The following TAFA1 variants were observed in gnomAD, a reference collection of about 807,000 sequenced individuals.
The protein encoded by TAFA1 is TAFA chemokine like family member 1, also known as chemokine-like protein TAFA-1.
TAFA1 carries 4 observed loss-of-function variants against 18.5 expected under a neutral mutation model. The observed-to-expected ratio is 0.22, with a 90% CI of 0.11 to 0.49. The LOEUF is 0.49. Ranked by LOEUF, TAFA1 falls within the 20% of genes least tolerant of loss-of-function variation. TAFA1 has a pLI of 0.98. For synonymous variants in TAFA1, 56 were observed against 55.2 expected (o/e 1.01, Z -0.06); for missense variants, 147 against 169.0 (o/e 0.87, Z 0.72).
chr3:68,510,908 A>G (rs2072836445), intron 3 of TAFA1, among the ~76,000 whole-genome samples: 1 of 152,200 alleles, frequency 6.6e-6, no homozygotes, highest in South Asian at 2.1e-4. Context: ...TACCAGGTAA[A>G]TGTAAGTTAG....
rs2073435946 is a variant in TAFA1, at chr3:68,545,031, C to T, written c.*528C>T. The T allele has an allele frequency of 6.6e-6, 1 of 152,384 alleles. No homozygotes were observed. The allele number at this position is 152,384 out of a possible 1,614,324, so 9.4% of individuals were successfully genotyped here. ...CGGGAAGGCCAGCTACAGGTGGACT[C>T]CTGGAATTTGAGGCATCATAATGAT... On this transcript the variant is annotated 3_prime_UTR_variant, in exon 5 of 5. Coordinates refer to ENST00000478136, the MANE Select transcript of TAFA1 (RefSeq NM_213609.4).
intron 2 of TAFA1, among the ~76,000 whole-genome samples, chr3:68,410,459 A>G (rs2070693948): frequency 6.6e-6 from 1 of 152,078 alleles, no homozygotes; most frequent in Non-Finnish European, 1.5e-5. Flanking sequence ...GAACAATGGG[A>G]TCCCTTATAA....
intron 2 of TAFA1, among the ~76,000 whole-genome samples, chr3:68,341,560 G>A (rs1016354085): frequency 1.2e-4 from 18 of 152,122 alleles, no homozygotes; most frequent in Non-Finnish European, 2.5e-4. Context: ...AAGGCAGACT[G>A]GTCCCCAGGA....
At chr3:68,282,697 C>T (rs2067920910) in intron 2 of TAFA1, among the ~76,000 whole-genome samples, 1 of 152,118 alleles carries the variant, frequency 6.6e-6, no homozygotes. Flanking sequence ...CCTAAAGCAT[C>T]TTGTCTGTGA....
At chr3:68,502,353 A>C (rs548364155) in intron 3 of TAFA1, among the ~76,000 whole-genome samples, 2 of 152,172 alleles carry the variant, frequency 1.3e-5, no homozygotes, top group Non-Finnish European at 2.9e-5. Flanking sequence ...ACACACAGAA[A>C]AAAAAAGACT....
intron 2 of TAFA1, among the ~76,000 whole-genome samples, chr3:68,218,459 A>C (rs2066688448): frequency 6.6e-6 from 1 of 151,970 alleles, no homozygotes; most frequent in African/African-American, 2.4e-5. Context: ...CGGTATGGGG[A>C]TGAGGAATGA....
chr3:68,254,087 GTCTA>G (rs1358636286), intron 2 of TAFA1, among the ~76,000 whole-genome samples: 43 of 149,936 alleles, frequency 2.9e-4, no homozygotes, highest in Non-Finnish European at 5.8e-4. Context: ...CTGTCTGCCT[GTCTA>G]TCTATCTACC....
At chr3:68,461,856 T>C (rs1230654323) in intron 3 of TAFA1, among the ~76,000 whole-genome samples, 1 of 152,052 alleles carries the variant, frequency 6.6e-6, no homozygotes, top group Non-Finnish European at 1.5e-5. Flanking sequence ...CTTTCGGCTG[T>C]TAATATATAA....
At chr3:68,432,543 C>T (rs1239197144) in intron 3 of TAFA1, among the ~76,000 whole-genome samples, 1 of 151,970 alleles carries the variant, frequency 6.6e-6, no homozygotes, top group East Asian at 1.9e-4. Context: ...CATTTGATTA[C>T]CTCCAACCAT....
intron 2 of TAFA1, among the ~76,000 whole-genome samples, chr3:68,319,016 C>A (rs968417357): frequency 1.3e-5 from 2 of 152,152 alleles, no homozygotes; most frequent in Non-Finnish European, 2.9e-5. Context: ...TTCTCTTTCT[C>A]CTCTGCTGTC....
At chr3:68,252,408 A>T (rs2067213976) in intron 2 of TAFA1, among the ~76,000 whole-genome samples, 1 of 152,204 alleles carries the variant, frequency 6.6e-6, no homozygotes, top group South Asian at 2.1e-4. Context: ...TTCTTAAAAA[A>T]ATTACATCAA....
intron 2 of TAFA1, among the ~76,000 whole-genome samples, chr3:68,024,805 GCACACA>G (rs3037727): frequency 2.0e-4 from 15 of 73,582 alleles, no homozygotes; most frequent in African/African-American, 7.4e-4. Flanking sequence ...TCTCCTTAAT[GCACACA>G]CACACACACA....
chr3:68,464,302 A>C (rs890006493), intron 3 of TAFA1, among the ~76,000 whole-genome samples: 2 of 152,216 alleles, frequency 1.3e-5, no homozygotes, highest in Admixed American at 6.6e-5. Context: ...TGCATTCCTA[A>C]GATAATTTCA....
intron 3 of TAFA1, among the ~76,000 whole-genome samples, chr3:68,489,316 G>C (rs542762120): frequency 2.0e-5 from 3 of 152,286 alleles, no homozygotes; most frequent in Admixed American, 2.0e-4. Context: ...ATGAAGGAAT[G>C]AGGAGCCAAT....
chr3:68,236,389 A>G (rs2066927365), intron 2 of TAFA1, among the ~76,000 whole-genome samples: 1 of 152,260 alleles, frequency 6.6e-6, no homozygotes. Flanking sequence ...ATGAATTACT[A>G]TCATTAGTGA....
At chr3:68,328,755 A>G (rs2068814579) in intron 2 of TAFA1, among the ~76,000 whole-genome samples, 1 of 152,054 alleles carries the variant, frequency 6.6e-6, no homozygotes, top group Non-Finnish European at 1.5e-5. Flanking sequence ...TAAACTCTTT[A>G]TATATAATAA....
chr3:68,191,049 T>C (rs1575670343), intron 2 of TAFA1, among the ~76,000 whole-genome samples: 1 of 151,930 alleles, frequency 6.6e-6, no homozygotes, highest in East Asian at 2.0e-4. Flanking sequence ...TGGATTCAGC[T>C]GGTCTTGGGT....
intron 2 of TAFA1, among the ~76,000 whole-genome samples, chr3:68,110,153 G>T (rs2065247585): frequency 6.6e-6 from 1 of 152,080 alleles, no homozygotes; most frequent in African/African-American, 2.4e-5. Flanking sequence ...ACAGGCTCCA[G>T]TGGGTGTTGT....
At chr3:68,392,691 C>T (rs9843904) in intron 2 of TAFA1, among the ~76,000 whole-genome samples, 5,155 of 152,092 alleles carry the variant, frequency 0.034, 302 homozygotes, top group African/African-American at 0.12. Context: ...TTAGAACTCA[C>T]GATTAAGAAA....
Sources: gnomAD v4.1 joint callset for allele counts (sites outside exome capture counted in the v4.1 genomes callset) on GRCh38, gnomAD v4.1.1 for gene constraint, MANE v1.5 for transcripts, NCBI Gene and HGNC (gene_info 2026-07-23, HGNC 2026-07-21) for gene names.